The following EXD3 variants were observed in gnomAD, a reference collection of about 807,000 sequenced individuals.
EXD3 encodes the protein exonuclease 3'-5' domain containing 3.
In EXD3, 92 loss-of-function variants were observed where a neutral mutation model predicts 98.0. That is an observed-to-expected ratio of 0.94 (90% CI 0.79 to 1.12). The LOEUF (loss-of-function observed/expected upper bound fraction) is 1.12. Among genes scored for constraint, EXD3 ranks in the 50% most tolerant of loss-of-function variants. EXD3 has a pLI of 0.00. For missense variants in EXD3, 1,222 were observed against 1,191.6 expected, an observed-to-expected ratio of 1.03 and a Z score of -0.38; for synonymous variants, 569 against 526.0, an observed-to-expected ratio of 1.08 and a Z score of -1.12.
intron 10 of EXD3, 79 bp downstream of exon 10, chr9:137,354,260 C>T: frequency 6.4e-7 from 1 of 1,572,664 alleles, no homozygotes; most frequent in Non-Finnish European, 8.6e-7. Context: ...CGCACTTCCA[C>T]CAGGAGGCTC....
intron 14 of EXD3, among the ~76,000 whole-genome samples, chr9:137,350,069 G>A (rs1304425235): frequency 3.3e-5 from 4 of 120,440 alleles, no homozygotes; most frequent in Admixed American, 8.0e-5. Flanking sequence ...ATAGAGAGGG[G>A]TGGGGATCAC....
At chr9:137,389,819 G>A (rs2131743580) in intron 2 of EXD3, among the ~76,000 whole-genome samples, 1 of 152,238 alleles carries the variant, frequency 6.6e-6, no homozygotes, top group South Asian at 2.1e-4. Context: ...AAGATGAAAT[G>A]CCTATTTTTA....
chr9:137,404,358 C>T (rs1034603192), intron 1 of EXD3, among the ~76,000 whole-genome samples: 3 of 152,200 alleles, frequency 2.0e-5, no homozygotes, highest in African/African-American at 4.8e-5. Flanking sequence ...CTATTCCCTC[C>T]GCCTTCATGA....
At chr9:137,344,082 G>A (rs35374928) in intron 17 of EXD3, among the ~76,000 whole-genome samples, 7,460 of 150,638 alleles carry the variant, frequency 0.05, 198 homozygotes, top group African/African-American at 0.055. Flanking sequence ...TAGTAGAGAC[G>A]GGGTTTCACC....
At chr9:137,316,302 G>A (rs1477194291) in intron 19 of EXD3, among the ~76,000 whole-genome samples, 1 of 151,968 alleles carries the variant, frequency 6.6e-6, no homozygotes, top group Non-Finnish European at 1.5e-5. Flanking sequence ...ACGGCCGCCC[G>A]CCCGCGGCCT....
chr9:137,348,860 G>A (rs1221776145), intron 16 of EXD3, among the ~76,000 whole-genome samples: 1 of 151,572 alleles, frequency 6.6e-6, no homozygotes, highest in Non-Finnish European at 1.5e-5. Context: ...GCCAGGCCAA[G>A]TATCAGGAGG....
chr9:137,354,436 C>A (rs917968294), intron 9 of EXD3, 59 bp from the exon 10 acceptor site: 2 of 1,609,328 alleles, frequency 1.2e-6, no homozygotes, highest in Admixed American at 1.7e-5. Context: ...GTATCGGGGC[C>A]TGGTGGGAGT....
chr9:137,326,966 T>C (rs1832438668), intron 17 of EXD3, among the ~76,000 whole-genome samples: 1 of 150,738 alleles, frequency 6.6e-6, no homozygotes, highest in Middle Eastern at 3.5e-3. Flanking sequence ...ACGTCGTGAA[T>C]AAACCCTTAC....
intron 7 of EXD3, among the ~76,000 whole-genome samples, chr9:137,358,534 A>G (rs2119269892): frequency 6.6e-6 from 1 of 152,234 alleles, no homozygotes; most frequent in Admixed American, 6.5e-5. Context: ...GCCTCCGAGG[A>G]CAGTCGCTGC....
chr9:137,414,910 C>A (rs774917615), intron 1 of EXD3, among the ~76,000 whole-genome samples: 6 of 152,022 alleles, frequency 3.9e-5, no homozygotes, highest in Non-Finnish European at 7.4e-5. Flanking sequence ...CAGGCTGAGA[C>A]GGAATCTCAC....
intron 19 of EXD3, among the ~76,000 whole-genome samples, chr9:137,315,379 C>T (rs943761186): frequency 1.3e-5 from 2 of 152,248 alleles, no homozygotes; most frequent in African/African-American, 2.4e-5. Context: ...GCCTGCACCC[C>T]CACCGCCACC....
chr9:137,416,510 CG>C (rs371904568), intron 1 of EXD3, among the ~76,000 whole-genome samples: 1 of 152,232 alleles, frequency 6.6e-6, no homozygotes, highest in Non-Finnish European at 1.5e-5. Flanking sequence ...AGCTGACCCC[CG>C]GGCAGGCGCC....
intron 1 of EXD3, among the ~76,000 whole-genome samples, chr9:137,408,020 G>A (rs1184091423): frequency 6.6e-6 from 1 of 152,054 alleles, no homozygotes; most frequent in Non-Finnish European, 1.5e-5. Context: ...CCACCCTCAT[G>A]CCTCCTGTGG....
intron 2 of EXD3, among the ~76,000 whole-genome samples, chr9:137,384,050 C>A (rs1281906770): frequency 6.6e-6 from 1 of 152,122 alleles, no homozygotes; most frequent in Non-Finnish European, 1.5e-5. Context: ...GGGTCGGAGG[C>A]CAGGGAGGGG....
chr9:137,332,663 G>GA (rs1186469626), intron 17 of EXD3, among the ~76,000 whole-genome samples: 10 of 151,530 alleles, frequency 6.6e-5, no homozygotes, highest in Admixed American at 4.6e-4. Context: ...CTAAAACAGT[G>GA]AAACCCCGTC....
intron 1 of EXD3, among the ~76,000 whole-genome samples, chr9:137,401,247 G>A (rs536897112): frequency 5.5e-5 from 8 of 145,736 alleles, no homozygotes; most frequent in Non-Finnish European, 1.2e-4. Context: ...TCCACCTCCC[G>A]GGTTCACACC....
Position 137,351,358 on chromosome 9 carries a change from C to A in EXD3, c.1344G>T (p.Leu448=). ...AGGGGTCCGAGAGGAGCTGGGCCAC[C>A]AGCCGGGAAAAGGCCTGGGCTCCCT... The part of the protein sequence containing the change: ...TGQGAQAFSR[L]VAQLLSDPSI... Residue 448 remains leucine, a synonymous_variant, in exon 13 of 22, where the codon CTG becomes CTT. Transcript: ENST00000340951. The A allele has an allele frequency of 6.2e-7, 1 of 1,612,006 alleles. No individual in the cohort carries two copies. Among genetic ancestry groups the A allele is most frequent in the Non-Finnish European group, 8.5e-7 (1 of 1,179,644 alleles).
Position 137,383,488 on chromosome 9 carries a change from CCCGGGGGG to C in EXD3, c.56-119_56-112del, listed in dbSNP as rs1836426178. On this transcript the variant is annotated intron_variant, in intron 2 of 21. Coordinates refer to ENST00000340951, the MANE Select transcript of EXD3 (RefSeq NM_017820.5). Reference sequence around the variant, plus strand: ...CCGCAATGCCTGGGGCTCCTCTGGACCCGGGGGGCCGGGAACCCTCCCCCACCTCTGTC... The same window carrying C: ...CCGCAATGCCTGGGGCTCCTCTGGACCCGGGAACCCTCCCCCACCTCTGTC... 5.1e-6 allele frequency: 4 copies of C among 790,880 alleles called. No homozygotes were observed. In the Admixed American group the frequency reaches 1.2e-4, roughly 23 times the overall value. The allele number at this position is 790,880 out of a possible 1,614,324, so 49.0% of individuals were successfully genotyped here. A position where few individuals can be genotyped will look rare whatever the true frequency, so the allele number is the denominator to read the frequency against.
intron 19 of EXD3, among the ~76,000 whole-genome samples, chr9:137,319,628 C>T (rs1322863974): frequency 6.6e-6 from 1 of 152,198 alleles, no homozygotes; most frequent in Admixed American, 6.5e-5. Flanking sequence ...AGGCCCTGAG[C>T]ACCTCTCGGG....
Sources: allele counts gnomAD v4.1 joint callset (sites outside exome capture counted in the v4.1 genomes callset), GRCh38; gene constraint gnomAD v4.1.1; transcripts MANE v1.5; gene names NCBI Gene and HGNC (gene_info 2026-07-23, HGNC 2026-07-21).